Variants in CNTN6 observed in about 807,000 individuals in gnomAD.
CNTN6 encodes the protein contactin-6.
Under a neutral mutation model 122.8 loss-of-function variants are expected in CNTN6, and 137 were observed. The ratio of observed to expected loss-of-function variants is 1.12; its 90% CI spans 0.97 to 1.29. CNTN6 has a LOEUF of 1.29. Among genes scored for constraint, CNTN6 ranks in the 50% most tolerant of loss-of-function variants. CNTN6 has a pLI of 0.00. For missense variants in CNTN6, 1,634 were observed against 1,223.4 expected (o/e 1.34, Z -5.01); for synonymous variants, 570 against 426.0 (o/e 1.34, Z -4.16).
chr3:1,384,247 GTGATCAGGTGATTATA>G (rs1188668054), intron 19 of CNTN6, among the ~76,000 whole-genome samples: 3 of 152,042 alleles, frequency 2.0e-5, no homozygotes, highest in Non-Finnish European at 2.9e-5. Flanking sequence ...TTTTTCAAAA[GTGATCAGGTGATTATA>G]TGATTAATTA....
At chr3:1,358,689 C>T (rs940898545) in intron 12 of CNTN6, among the ~76,000 whole-genome samples, 8 of 151,968 alleles carry the variant, frequency 5.3e-5, no homozygotes, top group Non-Finnish European at 1.0e-4. Context: ...TTTTGACTCC[C>T]TCATCCCAAC....
At chr3:1,225,436 A>G (rs907819383) in intron 3 of CNTN6, among the ~76,000 whole-genome samples, 4 of 152,212 alleles carry the variant, frequency 2.6e-5, no homozygotes, top group Non-Finnish European at 4.4e-5. Context: ...CCGCTAAGCC[A>G]ACAACTTTGA....
rs746110429 is a variant in CNTN6, at chr3:1,325,951, G to A, written c.1083G>A (p.Glu361=). ...AAAATGGTGAACGACTCAACCCAGA[G>A]GTAAGCAACTATGTTGATATTAAAA... The part of the protein sequence containing the change: ...WLKNGERLNP[E]ERIQIENGTL... Residue 361 remains glutamate, a splice_region_variant and synonymous_variant, in exon 9 of 23, where the codon GAG becomes GAA. Coordinates refer to ENST00000446702, the MANE Select transcript of CNTN6 (RefSeq NM_001289080.2). 12 of 1,607,696 alleles carry A rather than the reference G, an allele frequency of 7.5e-6. No homozygotes were observed. The highest frequency in any genetic ancestry group is 1.0e-5 in the Non-Finnish European group (12 of 1,177,436).
At chr3:1,369,545 G>A (rs1346241836) in intron 12 of CNTN6, among the ~76,000 whole-genome samples, 1 of 152,012 alleles carries the variant, frequency 6.6e-6, no homozygotes, top group East Asian at 1.9e-4. Flanking sequence ...TATTCATAAA[G>A]CTTTCATCAT....
chr3:1,372,550 C>A, intron 13 of CNTN6, 76 bp downstream of exon 13: 5 of 1,189,680 alleles, frequency 4.2e-6, no homozygotes, highest in Non-Finnish European at 5.9e-6. Context: ...TTCATAGTTA[C>A]TCTCTCCATC....
chr3:1,318,904 C>G (rs928151725), intron 7 of CNTN6, among the ~76,000 whole-genome samples: 2 of 151,692 alleles, frequency 1.3e-5, no homozygotes, highest in Admixed American at 6.6e-5. Context: ...ACATAGGAAT[C>G]TGGGGCGGAA....
intron 2 of CNTN6, among the ~76,000 whole-genome samples, chr3:1,157,111 T>C (rs2092989393): frequency 6.6e-6 from 1 of 151,922 alleles, no homozygotes; most frequent in Admixed American, 6.6e-5. Flanking sequence ...AGGCATGCAA[T>C]GCATAATCGC....
At position 1,377,092 on chromosome 3, in the gene CNTN6, C is replaced by T. The variant is rs201963567; in HGVS notation, c.2166+17C>T. ...ACGTGGGAGGTAATTTTCTGTCCAA[C>T]TGAGTTATTTTGAAGAAAAGAGATT... On this transcript the variant is annotated intron_variant, in intron 17 of 22. Coordinates refer to ENST00000446702, the MANE Select transcript of CNTN6 (RefSeq NM_001289080.2). 218 of 1,562,052 alleles carry T rather than the reference C, an allele frequency of 1.4e-4. No homozygotes were observed. Among genetic ancestry groups the T allele is most frequent in the Middle Eastern group, 3.4e-4 (2 of 5,966 alleles).
At chr3:1,166,489 AC>A (rs2093251443) in intron 2 of CNTN6, among the ~76,000 whole-genome samples, 2 of 152,224 alleles carry the variant, frequency 1.3e-5, no homozygotes, top group Admixed American at 6.5e-5. Flanking sequence ...ATGCTAAGAT[AC>A]AGATTAAAAT....
chr3:1,279,825 C>T (rs17037104), intron 5 of CNTN6, among the ~76,000 whole-genome samples: 8 of 152,016 alleles, frequency 5.3e-5, no homozygotes, highest in Non-Finnish European at 7.4e-5. Context: ...ATTGCCATGA[C>T]CAAAAGAAAA....
chr3:1,214,065 T>C (rs915996865), intron 2 of CNTN6, among the ~76,000 whole-genome samples: 9 of 152,082 alleles, frequency 5.9e-5, no homozygotes, highest in Non-Finnish European at 1.2e-4. Context: ...ATTTATATTC[T>C]GTTCTATAAC....
At chr3:1,251,806 C>T (rs1056129249) in intron 4 of CNTN6, among the ~76,000 whole-genome samples, 6 of 152,106 alleles carry the variant, frequency 3.9e-5, no homozygotes, top group Non-Finnish European at 8.8e-5. Context: ...ATCATCCTCA[C>T]ATACCTCAAA....
chr3:1,285,524 TTGGA>T (rs1694177280), intron 5 of CNTN6, among the ~76,000 whole-genome samples: 1 of 152,200 alleles, frequency 6.6e-6, no homozygotes, highest in Non-Finnish European at 1.5e-5. Context: ...TACTACATAA[TTGGA>T]TAAGATAATG....
At chr3:1,376,281 T>C (rs1284659240) in intron 16 of CNTN6, among the ~76,000 whole-genome samples, 1 of 152,120 alleles carries the variant, frequency 6.6e-6, no homozygotes, top group Non-Finnish European at 1.5e-5. Context: ...TGATCTATTA[T>C]TCATTGTGTT....
intron 1 of CNTN6, among the ~76,000 whole-genome samples, chr3:1,112,000 T>G (rs192596665): frequency 2.6e-5 from 4 of 152,270 alleles, no homozygotes; most frequent in Non-Finnish European, 4.4e-5. Context: ...AATGGAACTA[T>G]TATGTAGTTA....
intron 2 of CNTN6, among the ~76,000 whole-genome samples, chr3:1,166,712 A>C (rs907841899): frequency 6.6e-6 from 1 of 152,146 alleles, no homozygotes; most frequent in Non-Finnish European, 1.5e-5. Flanking sequence ...CATAAAAAAG[A>C]ATGAGTTCAT....
In CNTN6 at chr3:1,132,185, A is replaced by T. The variant is rs13321170; in HGVS notation, c.-82-15742A>T. ...CTGTGTTTATGTTTCTTTTACTCTA[A>T]AAACTCTGAATAACATCTTGTAATA... On this transcript the variant is annotated intron_variant, in intron 1 of 22. Transcript: ENST00000446702. Among the ~76,000 whole-genome samples, 906 of 151,114 alleles carry T rather than the reference A, an allele frequency of 6.0e-3. 7 individuals are homozygous for T. Among genetic ancestry groups the T allele is most frequent in the African/African-American group, 0.021 (852 of 40,480 alleles).
chr3:1,203,157 CTAAA>C (rs2093909284), intron 2 of CNTN6, among the ~76,000 whole-genome samples: 3 of 152,062 alleles, frequency 2.0e-5, no homozygotes, highest in Non-Finnish European at 4.4e-5. Flanking sequence ...ACATTTATTT[CTAAA>C]TAAGTTAGTT....
chr3:1,205,132 T>C (rs930877512), intron 2 of CNTN6, among the ~76,000 whole-genome samples: 6 of 152,226 alleles, frequency 3.9e-5, no homozygotes, highest in African/African-American at 1.4e-4. Context: ...ATTTTAAAGA[T>C]AGAGAAAGGT....
Sources: allele counts gnomAD v4.1 joint callset (sites outside exome capture counted in the v4.1 genomes callset), GRCh38; gene constraint gnomAD v4.1.1; transcripts MANE v1.5; gene names NCBI Gene and HGNC (gene_info 2026-07-23, HGNC 2026-07-21).